The following PKHD1 variants were observed in gnomAD, a reference collection of about 807,000 sequenced individuals.
PKHD1 encodes fibrocystin.
In PKHD1, 291 loss-of-function variants were observed where a neutral mutation model predicts 412.0. The observed-to-expected ratio is 0.71, with a 90% CI of 0.64 to 0.78. The LOEUF is 0.78. Ranked by LOEUF, PKHD1 falls within the 30% of genes least tolerant of loss-of-function variation. The pLI, the probability that PKHD1 is intolerant of heterozygous loss-of-function variation, is 0.00. For synonymous variants in PKHD1, 1,777 were observed against 1,821.5 expected, an observed-to-expected ratio of 0.98 and a Z score of 0.62; for missense variants, 4,825 against 4,950.7, an observed-to-expected ratio of 0.97 and a Z score of 0.76.
intron 23 of PKHD1, among the ~76,000 whole-genome samples, chr6:52,046,807 C>T (rs144768165): frequency 0.01 from 1,531 of 152,308 alleles, 14 homozygotes; most frequent in Non-Finnish European, 0.017. Context: ...ATTAGCTGCT[C>T]CCAGCAGCCC....
intron 63 of PKHD1, among the ~76,000 whole-genome samples, chr6:51,644,785 T>C (rs1769868629): frequency 6.6e-6 from 1 of 152,198 alleles, no homozygotes; most frequent in South Asian, 2.1e-4. Flanking sequence ...GTTCAAGCAA[T>C]TCTCCTGCCT....
chr6:51,651,277 T>C (rs1190405715), intron 61 of PKHD1, among the ~76,000 whole-genome samples: 4 of 152,184 alleles, frequency 2.6e-5, no homozygotes, highest in African/African-American at 7.2e-5. Flanking sequence ...CATAAACTCT[T>C]AAGCAGTTTC....
intron 55 of PKHD1, among the ~76,000 whole-genome samples, chr6:51,761,435 T>C (rs1020383840): frequency 6.6e-6 from 1 of 151,974 alleles, no homozygotes; most frequent in African/African-American, 2.4e-5. Flanking sequence ...GTTTGGCTGG[T>C]GGTGGGGGGA....
At chr6:51,795,215 G>A (rs1192991551) in intron 52 of PKHD1, among the ~76,000 whole-genome samples, 1 of 152,088 alleles carries the variant, frequency 6.6e-6, no homozygotes, top group Non-Finnish European at 1.5e-5. Flanking sequence ...GCAGTGGTTT[G>A]AAGTTCTCCT....
At chr6:51,880,898 G>A (rs1337908020) in intron 46 of PKHD1, among the ~76,000 whole-genome samples, 9 of 148,442 alleles carry the variant, frequency 6.1e-5, no homozygotes, top group South Asian at 2.2e-4. Flanking sequence ...CCCGGGAGGC[G>A]GAGCTTGCAG....
At chr6:51,992,621 C>T (rs1797174297) in intron 35 of PKHD1, among the ~76,000 whole-genome samples, 1 of 152,188 alleles carries the variant, frequency 6.6e-6, no homozygotes, top group Non-Finnish European at 1.5e-5. Flanking sequence ...AGAAAAGAAC[C>T]CAGACCCCTG....
chr6:51,870,869 A>G (rs1490538942), intron 46 of PKHD1, among the ~76,000 whole-genome samples: 2 of 152,124 alleles, frequency 1.3e-5, no homozygotes, highest in African/African-American at 4.8e-5. Context: ...GGAAAAAAAA[A>G]CCTTCAAAAG....
chr6:51,869,914 C>A (rs1350578184), intron 47 of PKHD1, among the ~76,000 whole-genome samples: 1 of 152,128 alleles, frequency 6.6e-6, no homozygotes, highest in Non-Finnish European at 1.5e-5. Flanking sequence ...TTACGATGAT[C>A]AAATCAACTA....
intron 60 of PKHD1, among the ~76,000 whole-genome samples, chr6:51,697,967 G>T (rs1458613951): frequency 6.6e-6 from 1 of 152,152 alleles, no homozygotes; most frequent in African/African-American, 2.4e-5. Flanking sequence ...ATACCTAGGA[G>T]ATAGGAAGTA....
Position 51,659,766 on chromosome 6 carries a change from C to T in PKHD1, c.10360G>A (p.Gly3454Arg). The change falls in exon 61 of 67, where the codon GGG becomes AGG. Residue 3454 changes from glycine (G) to arginine (R), a missense_variant. Gly to Arg is a moderately radical substitution (Grantham distance 125). Coordinates refer to ENST00000371117, the MANE Select transcript of PKHD1 (RefSeq NM_138694.4). ...VNANIPCSTS[G>R]SVSTFYSILP... is the part of the protein sequence containing the mutation. ...ATAGAATAGAAAGTAGACACTGACC[C>T]AGAAGTAGAGCAGGGAATATTGGCA... 6.2e-7 allele frequency: 1 copy of T among 1,613,592 alleles called. No individual in the cohort carries two copies. Among genetic ancestry groups the T allele is most frequent in the Non-Finnish European group, 8.5e-7 (1 of 1,179,698 alleles).
intron 23 of PKHD1, 65 bp from the exon 24 acceptor site, chr6:52,046,253 C>T (rs1489811138): frequency 3.2e-6 from 4 of 1,247,866 alleles, no homozygotes; most frequent in Non-Finnish European, 4.7e-6. Flanking sequence ...AGAGTTTCAT[C>T]CTCAAGGATA....
rs1365800362 is a variant in PKHD1 at position 51,776,134 on chromosome 6, CTCTT to C, written c.8441-217_8441-214del. ...TCATGTATTATTCACCAGGTATTCA[CTCTT>C]CTTTCTTTATTAGGGCAGTGTAAAC... is the stretch of plus-strand genomic sequence containing the variant. On this transcript the variant is annotated intron_variant, in intron 53 of 66. Transcript: ENST00000371117. 3.3e-5 allele frequency among the ~76,000 whole-genome samples: 5 copies of C among 152,036 alleles called. No individual in the cohort carries two copies. The South Asian group carries it at 6.2e-4, about 19-fold the overall frequency.
intron 20 of PKHD1, 41 bp from the exon 21 acceptor site, chr6:52,053,292 A>T (rs1172682016): frequency 6.2e-7 from 1 of 1,604,548 alleles, no homozygotes; most frequent in South Asian, 1.1e-5. Context: ...CTCAGGGAGC[A>T]CTTGCAGTCC....
intron 52 of PKHD1, among the ~76,000 whole-genome samples, chr6:51,791,832 G>A (rs889145770): frequency 6.6e-6 from 1 of 152,068 alleles, no homozygotes; most frequent in African/African-American, 2.4e-5. Context: ...TCTGTGCCTC[G>A]GTTATCTCAT....
At chr6:51,621,299 C>T (rs999017535) in intron 66 of PKHD1, among the ~76,000 whole-genome samples, 1 of 152,128 alleles carries the variant, frequency 6.6e-6, no homozygotes, top group African/African-American at 2.4e-5. Flanking sequence ...AATTACTGCT[C>T]CCACCAGGTG....
chr6:51,838,322 A>G (rs1386898515), intron 50 of PKHD1, among the ~76,000 whole-genome samples: 3 of 152,138 alleles, frequency 2.0e-5, no homozygotes, highest in Non-Finnish European at 2.9e-5. Context: ...TCATGGGCCA[A>G]TTTAGAAATC....
At chr6:51,996,532 C>T (rs1797735207) in intron 35 of PKHD1, among the ~76,000 whole-genome samples, 1 of 152,164 alleles carries the variant, frequency 6.6e-6, no homozygotes, top group African/African-American at 2.4e-5. Flanking sequence ...AAAGAAACAC[C>T]TAACTGACTT....
At chr6:52,074,992 T>G (rs1475096660) in intron 6 of PKHD1, among the ~76,000 whole-genome samples, 3 of 152,162 alleles carry the variant, frequency 2.0e-5, no homozygotes, top group Non-Finnish European at 2.9e-5. Context: ...ATTTCACACC[T>G]CTAATGGCTG....
chr6:51,974,870 T>C (rs1257302202), intron 35 of PKHD1, among the ~76,000 whole-genome samples: 1 of 151,606 alleles, frequency 6.6e-6, no homozygotes, highest in Non-Finnish European at 1.5e-5. Flanking sequence ...AAAATAAAAA[T>C]AATAGAAAGA....
Sources: allele counts gnomAD v4.1 joint callset (sites outside exome capture counted in the v4.1 genomes callset), GRCh38; gene constraint gnomAD v4.1.1; transcripts MANE v1.5; gene names NCBI Gene and HGNC (gene_info 2026-07-23, HGNC 2026-07-21).